PSD3: variants seen among roughly 807,000 people sequenced by gnomAD.
The protein encoded by PSD3 is PH and SEC7 domain-containing protein 3.
A neutral mutation model predicts 105.5 loss-of-function variants in PSD3; 49 were observed. The observed-to-expected ratio is 0.46, with a 90% CI of 0.37 to 0.59. The LOEUF (loss-of-function observed/expected upper bound fraction) is 0.59, where lower values mean the gene tolerates loss of function less well. Ranked by LOEUF, PSD3 falls within the 20% of genes least tolerant of loss-of-function variation. The pLI is 0.00. For missense variants in PSD3, 1,561 were observed against 1,263.8 expected, an observed-to-expected ratio of 1.24 and a Z score of -3.57; for synonymous variants, 557 against 457.8, an observed-to-expected ratio of 1.22 and a Z score of -2.77.
intron 1 of PSD3, among the ~76,000 whole-genome samples, chr8:18,941,580 T>C (rs1168977842): frequency 6.6e-6 from 1 of 152,060 alleles, no homozygotes; most frequent in African/African-American, 2.4e-5. Flanking sequence ...TTACAAAGAA[T>C]TACATTCACG....
intron 1 of PSD3, among the ~76,000 whole-genome samples, chr8:18,996,297 C>A (rs1203517213): frequency 6.6e-6 from 1 of 151,864 alleles, no homozygotes; most frequent in East Asian, 1.9e-4. Context: ...AAGAAGTCAT[C>A]AGTTACTGAA....
Position 18,591,942 on chromosome 8 carries a change from G to C in PSD3, c.2481+8422C>G, listed in dbSNP as rs539404865. On this transcript the variant is annotated intron_variant, in intron 12 of 15. Transcript: ENST00000327040. ...CTGTTGCAAAGATGACTGGTGAGGG[G>C]CTTCTGCTGTAGCAAGCCAGTCTCT... is the stretch of plus-strand genomic sequence containing the variant. Among the ~76,000 whole-genome samples the C allele has an allele frequency of 3.3e-5, 5 of 152,112 alleles. 1 individual carries two copies. The highest frequency in any genetic ancestry group is 1.2e-4 in the African/African-American group (5 of 41,424).
intron 9 of PSD3, among the ~76,000 whole-genome samples, chr8:18,723,807 C>T (rs777933456): frequency 6.6e-6 from 1 of 152,176 alleles, no homozygotes; most frequent in Non-Finnish European, 1.5e-5. Context: ...TTAATTCTGA[C>T]TTAAATTTCT....
intron 4 of PSD3, among the ~76,000 whole-genome samples, chr8:18,832,964 T>C (rs1349335699): frequency 3.9e-5 from 6 of 152,194 alleles, no homozygotes; most frequent in African/African-American, 9.7e-5. Context: ...AGCCAAACCA[T>C]ATCAGTAAAC....
intron 8 of PSD3, among the ~76,000 whole-genome samples, chr8:18,797,121 T>C (rs1412527220): frequency 1.3e-5 from 2 of 152,082 alleles, no homozygotes; most frequent in East Asian, 3.9e-4. Flanking sequence ...AAGAAACATA[T>C]TTACATGGTT....
chr8:18,845,619 A>G (rs932800151), intron 4 of PSD3, among the ~76,000 whole-genome samples: 1 of 152,140 alleles, frequency 6.6e-6, no homozygotes, highest in African/African-American at 2.4e-5. Flanking sequence ...GGAGTTTCAC[A>G]GGCCTACTGC....
intron 2 of PSD3, among the ~76,000 whole-genome samples, chr8:18,925,852 G>A (rs1194932291): frequency 6.6e-6 from 1 of 152,070 alleles, no homozygotes; most frequent in Non-Finnish European, 1.5e-5. Flanking sequence ...ACTGCTACTG[G>A]TGTTTCTGCT....
chr8:18,913,670 G>A (rs545750900), intron 2 of PSD3, among the ~76,000 whole-genome samples: 7 of 152,206 alleles, frequency 4.6e-5, no homozygotes, highest in African/African-American at 7.2e-5. Context: ...CAGTGCCAGC[G>A]GACTAAGGAT....
chr8:18,985,405 G>A (rs1399336626), intron 1 of PSD3, among the ~76,000 whole-genome samples: 1 of 152,132 alleles, frequency 6.6e-6, no homozygotes. Context: ...TAATACTTAA[G>A]AATACAATCA....
chr8:18,610,806 T>C (rs1002529752), intron 11 of PSD3, among the ~76,000 whole-genome samples: 2 of 148,896 alleles, frequency 1.3e-5, no homozygotes, highest in African/African-American at 4.9e-5. Context: ...CTCAAGACTT[T>C]TACCCTAAAA....
intron 2 of PSD3, among the ~76,000 whole-genome samples, chr8:18,890,602 G>T (rs550787749): frequency 3.9e-5 from 6 of 152,234 alleles, no homozygotes; most frequent in Admixed American, 3.3e-4. Flanking sequence ...CGGTAAGCTC[G>T]TTGGGAAACA....
chr8:18,571,815 A>T (rs11994415), intron 14 of PSD3, among the ~76,000 whole-genome samples: 12,026 of 152,232 alleles, frequency 0.079, 1,114 homozygotes, highest in African/African-American at 0.22. Context: ...ATTCACAAAG[A>T]CATCAAAGTA....
intron 4 of PSD3, among the ~76,000 whole-genome samples, chr8:18,842,761 G>C (rs191228886): frequency 6.6e-6 from 1 of 152,108 alleles, no homozygotes; most frequent in African/African-American, 2.4e-5. Flanking sequence ...GGCTTTACTA[G>C]TATACAGACT....
chr8:18,777,074 C>T (rs999703124), intron 8 of PSD3, among the ~76,000 whole-genome samples: 1 of 151,878 alleles, frequency 6.6e-6, no homozygotes, highest in Non-Finnish European at 1.5e-5. Flanking sequence ...ACGGAGTCTA[C>T]CTCTATTGCC....
Position 18,842,490 on chromosome 8 carries a change from C to G in PSD3, c.1634+25184G>C, listed in dbSNP as rs557192966. Reference sequence around the variant, plus strand: ...GGCTCACGCCTGTAATCCCAGCACTCGGGGAGTCCGAGGCGGGCGGATCAC... The same window carrying G: ...GGCTCACGCCTGTAATCCCAGCACTGGGGGAGTCCGAGGCGGGCGGATCAC... On this transcript the variant is annotated intron_variant, in intron 4 of 15. Coordinates refer to ENST00000327040, the MANE Select transcript of PSD3 (RefSeq NM_015310.4). Among the ~76,000 whole-genome samples, 4 of 152,176 alleles carry G rather than the reference C, an allele frequency of 2.6e-5. No homozygotes were observed. The East Asian group carries it at 7.8e-4, about 30-fold the overall frequency.
intron 10 of PSD3, among the ~76,000 whole-genome samples, chr8:18,636,716 T>A (rs116232126): frequency 0.012 from 1,770 of 152,336 alleles, 34 homozygotes; most frequent in African/African-American, 0.04. Flanking sequence ...CTGTTTGTTT[T>A]CTGTTTAGAT....
At chr8:18,739,049 T>G (rs1215805748) in intron 9 of PSD3, among the ~76,000 whole-genome samples, 2 of 152,326 alleles carry the variant, frequency 1.3e-5, no homozygotes, top group Middle Eastern at 3.4e-3. Flanking sequence ...TTTCGCCTAG[T>G]GATTTAATTA....
intron 9 of PSD3, among the ~76,000 whole-genome samples, chr8:18,728,885 G>C (rs1303301702): frequency 6.6e-6 from 1 of 152,184 alleles, no homozygotes; most frequent in Non-Finnish European, 1.5e-5. Flanking sequence ...AGGGGACAGA[G>C]AGGGTGGACG....
intron 1 of PSD3, among the ~76,000 whole-genome samples, chr8:19,060,109 T>C (rs573250678): frequency 3.3e-4 from 51 of 152,350 alleles, no homozygotes; most frequent in Admixed American, 2.5e-3. Context: ...AATCCAGGTT[T>C]TTGCTGAGAT....
Sources: gnomAD v4.1 joint callset for allele counts (sites outside exome capture counted in the v4.1 genomes callset) on GRCh38, gnomAD v4.1.1 for gene constraint, MANE v1.5 for transcripts, NCBI Gene and HGNC (gene_info 2026-07-23, HGNC 2026-07-21) for gene names.